The following SATL1 variants were observed in gnomAD, a reference collection of about 807,000 sequenced individuals.
The protein encoded by SATL1 is spermidine/spermine N1-acetyl transferase like 1.
A neutral mutation model predicts 51.8 loss-of-function variants in SATL1; 47 were observed. That is an observed-to-expected ratio of 0.91 (90% confidence interval 0.72 to 1.16). SATL1 has a LOEUF of 1.16. SATL1 is among the 50% of genes most tolerant of loss of function. The pLI, the probability that SATL1 is intolerant of heterozygous loss-of-function variation, is 0.00. For synonymous variants in SATL1, 176 were observed against 182.4 expected (o/e 0.97, Z 0.28); for missense variants, 520 against 526.4 (o/e 0.99, Z 0.12).
At chrX:85,189,514 A>G (rs184177628) in intron 2 of SATL1, among the ~76,000 whole-genome samples, 1 of 112,357 alleles carries the variant, frequency 8.9e-6, no homozygotes, top group African/African-American at 3.2e-5. Flanking sequence ...ACGTAATCAC[A>G]TAAGATTTCC....
chrX:85,213,439 CA>C lies in SATL1; in HGVS notation c.-313+10765del, dbSNP rs760131864. On this transcript the variant is annotated intron_variant, in intron 2 of 7. Coordinates refer to ENST00000644105, the MANE Select transcript of SATL1 (RefSeq NM_001367857.2). ...CAGAGAAAACAGCAAAACAGATTAT[CA>C]GCAGAAAGTTATCTTTATGAATTTT... 3.9e-3 allele frequency among the ~76,000 whole-genome samples: 439 copies of C among 111,914 alleles called. 4 individuals are homozygous for C. Among genetic ancestry groups the C allele is most frequent in the Middle Eastern group, 9.2e-3 (2 of 217 alleles).
chrX:85,128,057 T>C (rs1337320184), intron 2 of SATL1, among the ~76,000 whole-genome samples: 1 of 111,877 alleles, frequency 8.9e-6, no homozygotes, highest in African/African-American at 3.3e-5. Flanking sequence ...TGATGGACAT[T>C]AGGGTTGGTT....
intron 2 of SATL1, among the ~76,000 whole-genome samples, chrX:85,144,442 A>G (rs1404175899): frequency 9.0e-6 from 1 of 111,320 alleles, no homozygotes; most frequent in Non-Finnish European, 1.9e-5. Flanking sequence ...TCCATCCCCA[A>G]ACATACTCGG....
At chrX:85,101,718 T>G (rs999375729) in intron 4 of SATL1, among the ~76,000 whole-genome samples, 5 of 111,673 alleles carry the variant, frequency 4.5e-5, no homozygotes, top group African/African-American at 1.6e-4. Flanking sequence ...AGACAGATAC[T>G]TGTACACCAA....
intron 4 of SATL1, among the ~76,000 whole-genome samples, chrX:85,102,633 A>G (rs1033867246): frequency 1.8e-5 from 2 of 111,231 alleles, no homozygotes; most frequent in African/African-American, 6.5e-5. Context: ...ATGCTGGAGT[A>G]TACAAAGTAT....
At chrX:85,219,283 T>C (rs1440631706) in intron 2 of SATL1, 2 of 112,476 alleles carry the variant, frequency 1.8e-5, no homozygotes, top group Non-Finnish European at 3.8e-5. Context: ...ACTGTGAGTA[T>C]GAATTATCTA....
chrX:85,158,662 T>A (rs1926648415), intron 2 of SATL1, among the ~76,000 whole-genome samples: 1 of 111,771 alleles, frequency 8.9e-6, no homozygotes, highest in African/African-American at 3.2e-5. Flanking sequence ...ATCCAGCTAA[T>A]GGGCATATTC....
In SATL1 at chrX:85,223,542, T is replaced by A. The variant is rs78181886; in HGVS notation, c.-313+663A>T. Among the ~76,000 whole-genome samples, 41 of 111,063 alleles carry A rather than the reference T, an allele frequency of 3.7e-4. No individual in the cohort carries two copies. In the East Asian group the frequency reaches 0.012, roughly 32 times the overall value. On this transcript the variant is annotated intron_variant, in intron 2 of 7. Coordinates refer to ENST00000644105, the MANE Select transcript of SATL1 (RefSeq NM_001367857.2). ...CCCTTCCAGAAATGATATTGCATCATCCGAATCCTGGATGATGAGCCAAGA... is the reference window on the plus strand; with the variant it reads ...CCCTTCCAGAAATGATATTGCATCAACCGAATCCTGGATGATGAGCCAAGA...
In SATL1 at chrX:85,232,333, G is replaced by A. The variant is rs572138158; in HGVS notation, c.-434-8007C>T. Among the ~76,000 whole-genome samples the A allele has an allele frequency of 3.6e-5, 4 of 111,109 alleles. No individual in the cohort carries two copies. In the South Asian group the frequency reaches 1.6e-3, roughly 43 times the overall value. ...CTCAGAGATGTGCTGGCTTAAGGTG[G>A]CGAGTGCTGGCTTAATCCAGCACAT... is the stretch of plus-strand genomic sequence containing the variant. On this transcript the variant is annotated intron_variant, in intron 1 of 7. Transcript: ENST00000644105.
At chrX:85,122,329 T>C (rs1925526601) in intron 2 of SATL1, among the ~76,000 whole-genome samples, 1 of 111,844 alleles carries the variant, frequency 8.9e-6, no homozygotes, top group African/African-American at 3.2e-5. Flanking sequence ...GAACCACCTA[T>C]GGAGCTTATT....
intron 2 of SATL1, among the ~76,000 whole-genome samples, chrX:85,197,974 G>A (rs192689105): frequency 9.2e-6 from 1 of 108,485 alleles, no homozygotes; most frequent in East Asian, 2.9e-4. Flanking sequence ...CCCACCCCTT[G>A]CCCCTGCCAC....
intron 2 of SATL1, among the ~76,000 whole-genome samples, chrX:85,151,861 C>A (rs1926447881): frequency 9.0e-6 from 1 of 111,688 alleles, no homozygotes; most frequent in African/African-American, 3.3e-5. Flanking sequence ...ACCATAAAAA[C>A]CCTAGAAGAA....
intron 2 of SATL1, among the ~76,000 whole-genome samples, chrX:85,162,127 A>G (rs1926733224): frequency 8.9e-6 from 1 of 112,178 alleles, no homozygotes; most frequent in South Asian, 3.6e-4. Context: ...GAGAACAAAG[A>G]CACAACATAC....
chrX:85,233,760 G>T (rs767599030), intron 1 of SATL1, among the ~76,000 whole-genome samples: 3 of 110,850 alleles, frequency 2.7e-5, no homozygotes, highest in East Asian at 2.8e-4. Context: ...AAAACAAAAA[G>T]AATAAAATGA....
chrX:85,243,495 T>C, intron 1 of SATL1, 93 bp downstream of exon 1: 1 of 111,860 alleles, frequency 8.9e-6, no homozygotes, highest in East Asian at 2.8e-4. Context: ...ACTTTCTTCA[T>C]CGAATTGTCT....
chrX:85,188,875 T>C (rs1293935194), intron 2 of SATL1, among the ~76,000 whole-genome samples: 1 of 111,744 alleles, frequency 8.9e-6, no homozygotes, highest in Non-Finnish European at 1.9e-5. Context: ...AAACAGTGCT[T>C]CTTTTCCCTT....
intron 2 of SATL1, among the ~76,000 whole-genome samples, chrX:85,118,889 C>T (rs1170212491): frequency 9.0e-6 from 1 of 111,235 alleles, no homozygotes; most frequent in Non-Finnish European, 1.9e-5. Context: ...CAAGTTTTGT[C>T]AACTAAAGTT....
chrX:85,212,041 C>G (rs758485802), intron 2 of SATL1: 3 of 111,428 alleles, frequency 2.7e-5, no homozygotes, highest in Non-Finnish European at 5.7e-5. Flanking sequence ...TCAGAGGGCC[C>G]TTCCCAGAAG....
chrX:85,210,310 AG>A (rs1408200965), intron 2 of SATL1: 1 of 106,582 alleles, frequency 9.4e-6, no homozygotes, highest in Non-Finnish European at 1.9e-5. Flanking sequence ...CTACTCTTTA[AG>A]TTTTGCTTAG....
Sources: allele counts gnomAD v4.1 joint callset (sites outside exome capture counted in the v4.1 genomes callset), GRCh38; gene constraint gnomAD v4.1.1; transcripts MANE v1.5; gene names NCBI Gene and HGNC (gene_info 2026-07-23, HGNC 2026-07-21).